Variants in ST7 observed in about 807,000 individuals in gnomAD.
The protein encoded by ST7 is suppressor of tumorigenicity 7 protein.
A neutral mutation model predicts 78.7 loss-of-function variants in ST7; 28 were observed. The observed-to-expected ratio is 0.36, with a 90% CI of 0.26 to 0.49. ST7 has a LOEUF of 0.49. ST7 is among the 20% of genes least tolerant of loss of function. The probability of loss-of-function intolerance (pLI) is 0.99; values close to 1 mark genes in which losing one functional copy is unlikely to be tolerated. For synonymous variants in ST7, 247 were observed against 249.6 expected, an observed-to-expected ratio of 0.99 and a Z score of 0.10; for missense variants, 418 against 696.0, an observed-to-expected ratio of 0.60 and a Z score of 4.49.
At chr7:117,073,700 A>T (rs1212078911) in intron 1 of ST7, 1 of 152,238 alleles carries the variant, frequency 6.6e-6, no homozygotes, top group African/African-American at 2.4e-5. Context: ...GTAGTAGTAC[A>T]TACCTCAGAG....
At chr7:117,080,181 C>T (rs981971593) in intron 1 of ST7, among the ~76,000 whole-genome samples, 2 of 151,474 alleles carry the variant, frequency 1.3e-5, no homozygotes, top group African/African-American at 4.8e-5. Flanking sequence ...GGGGTTTCAC[C>T]GTTTTAGCCA....
At chr7:117,128,892 G>A (rs1804098440) in intron 3 of ST7, among the ~76,000 whole-genome samples, 1 of 151,726 alleles carries the variant, frequency 6.6e-6, no homozygotes, top group South Asian at 2.1e-4. Flanking sequence ...TTTGCTGGTT[G>A]CACACGCACA....
At chr7:116,956,427 G>A in intron 1 of ST7, 1 of 469,518 alleles carries the variant, frequency 2.1e-6, no homozygotes, top group Non-Finnish European at 4.4e-6. Flanking sequence ...CTTCAGCCCT[G>A]TGGTGCTTAC....
Position 117,229,864 on chromosome 7 carries a change from C to G in ST7, c.*7C>G, listed in dbSNP as rs768317384. The G allele has an allele frequency of 1.1e-5, 18 of 1,612,180 alleles. 1 individual carries two copies. In the Admixed American group the frequency reaches 1.2e-4, roughly 10 times the overall value. ...CCAGCTAACACGGATCTGAGAGAAG[C>G]CCTGTCCTCCACTCACCTCACCCGC... On this transcript the variant is annotated 3_prime_UTR_variant, in exon 16 of 16. Coordinates refer to ENST00000323984, the MANE Select transcript of ST7 (RefSeq NM_001369598.1).
At chr7:117,112,073 C>T (rs1802473139) in intron 2 of ST7, among the ~76,000 whole-genome samples, 1 of 151,068 alleles carries the variant, frequency 6.6e-6, no homozygotes, top group Admixed American at 6.6e-5. Context: ...TATAGATATA[C>T]ATATATGTAC....
intron 1 of ST7, among the ~76,000 whole-genome samples, chr7:117,055,832 T>A (rs575655067): frequency 6.6e-5 from 10 of 152,276 alleles, no homozygotes; most frequent in African/African-American, 2.4e-4. Flanking sequence ...ACAGAACTAA[T>A]AGGATAGATA....
intron 3 of ST7, among the ~76,000 whole-genome samples, chr7:117,122,194 T>C (rs1005644182): frequency 7.9e-5 from 12 of 152,040 alleles, no homozygotes; most frequent in Non-Finnish European, 1.2e-4. Context: ...GAAATAAAAA[T>C]TGGCTTCATG....
At chr7:116,954,150 T>G (rs1472623976) in intron 1 of ST7, 1 of 151,406 alleles carries the variant, frequency 6.6e-6, no homozygotes, top group African/African-American at 2.4e-5. Context: ...GGAGGCGCCC[T>G]CCCGCCCGGC....
Position 117,219,308 on chromosome 7 carries a change from A to G in ST7, c.1498+132A>G. On this transcript the variant is annotated intron_variant, in intron 14 of 15. Coordinates refer to ENST00000323984, the MANE Select transcript of ST7 (RefSeq NM_001369598.1). The surrounding 1 kb of genome is among the most constrained non-coding windows in gnomAD (Gnocchi z 5.1). ...CTCCAAACCCCTGTCCTTGTTTGAT[A>G]GCATATGTATTAAAGTGAATTATGT... 1 of 734,974 alleles carries G rather than the reference A, an allele frequency of 1.4e-6. No individual in the cohort carries two copies. The highest frequency in any genetic ancestry group is 2.3e-6 in the Non-Finnish European group (1 of 440,844). The allele number at this position is 734,974 out of a possible 1,614,324, so 45.5% of individuals were successfully genotyped here.
At chr7:117,110,748 T>C (rs1394736255) in intron 2 of ST7, among the ~76,000 whole-genome samples, 3 of 152,256 alleles carry the variant, frequency 2.0e-5, no homozygotes, top group Non-Finnish European at 4.4e-5. Flanking sequence ...GAGCTAGGCC[T>C]AATGGTTGTT....
intron 5 of ST7, 130 bp downstream of exon 5, chr7:117,130,736 G>A (rs1804279037): frequency 5.3e-6 from 3 of 569,678 alleles, no homozygotes; most frequent in African/African-American, 2.0e-5. Context: ...TGACTAATAA[G>A]AACCCAGAAC....
intron 1 of ST7, among the ~76,000 whole-genome samples, chr7:117,092,207 A>T (rs1004232150): frequency 7.4e-6 from 1 of 134,960 alleles, no homozygotes; most frequent in Non-Finnish European, 1.5e-5. Context: ...TGAACCCGGG[A>T]GGCGGAGCTT....
chr7:117,191,463 A>C (rs1468447394), intron 12 of ST7, among the ~76,000 whole-genome samples: 2 of 152,124 alleles, frequency 1.3e-5, no homozygotes, highest in African/African-American at 4.8e-5. Context: ...TATTTGTCTT[A>C]GTTATTAACC....
chr7:117,127,647 GA>G (rs1290751988), intron 3 of ST7, among the ~76,000 whole-genome samples: 2 of 151,776 alleles, frequency 1.3e-5, no homozygotes, highest in Non-Finnish European at 2.9e-5. Context: ...AAGTTTTAGG[GA>G]TAGTTAAACT....
chr7:117,040,241 A>G (rs764685926), intron 1 of ST7, among the ~76,000 whole-genome samples: 8 of 152,068 alleles, frequency 5.3e-5, no homozygotes, highest in Non-Finnish European at 1.2e-4. Context: ...GCTTGGTGGC[A>G]GACGCCTGTA....
rs115175295 is a variant in ST7 at position 117,062,672 on chromosome 7, A to G, written c.152-37090A>G. Among the ~76,000 whole-genome samples the G allele has an allele frequency of 5.2e-3, 793 of 152,330 alleles. 6 individuals carry two copies. Among genetic ancestry groups the G allele is most frequent in the African/African-American group, 0.018 (752 of 41,586 alleles). On this transcript the variant is annotated intron_variant, in intron 1 of 15. Coordinates refer to ENST00000323984, the MANE Select transcript of ST7 (RefSeq NM_001369598.1). ...TAAATTTATGAGGTCTCCTTAAAAGATATAATCATTAATACAATAGTTTAT... is the reference window on the plus strand; with the variant it reads ...TAAATTTATGAGGTCTCCTTAAAAGGTATAATCATTAATACAATAGTTTAT...
At chr7:117,194,305 A>G (rs1810073643) in intron 12 of ST7, among the ~76,000 whole-genome samples, 2 of 152,182 alleles carry the variant, frequency 1.3e-5, no homozygotes, top group African/African-American at 4.8e-5. Flanking sequence ...ATCTGACCCA[A>G]CTTGTTTTTC....
At chr7:117,097,906 A>ATTTTTTT (rs1353568782) in intron 1 of ST7, among the ~76,000 whole-genome samples, 9 of 30,952 alleles carry the variant, frequency 2.9e-4, no homozygotes, top group African/African-American at 8.1e-4. Context: ...ATATATATAT[A>ATTTTTTT]TATTTTTTTT....
intron 9 of ST7, among the ~76,000 whole-genome samples, chr7:117,170,029 G>A (rs1807873653): frequency 6.6e-6 from 1 of 151,998 alleles, no homozygotes; most frequent in African/African-American, 2.4e-5. Context: ...TCACTTTCTA[G>A]TTATTTTTCT....
Sources: gnomAD v4.1 joint callset for allele counts (sites outside exome capture counted in the v4.1 genomes callset) on GRCh38, gnomAD v4.1.1 for gene constraint, Gnocchi (gnomAD v3.1) non-coding constraint, MANE v1.5 for transcripts, NCBI Gene and HGNC (gene_info 2026-07-23, HGNC 2026-07-21) for gene names.